Variants in GABRG1 observed in about 807,000 individuals in gnomAD.
GABRG1 encodes the protein gamma-aminobutyric acid type A receptor subunit gamma1.
In GABRG1, 49 loss-of-function variants were observed where a neutral mutation model predicts 49.8. The observed-to-expected ratio is 0.98, with a 90% confidence interval of 0.78 to 1.25. The LOEUF (loss-of-function observed/expected upper bound fraction) is 1.25, where lower values mean the gene tolerates loss of function less well. Among genes scored for constraint, GABRG1 ranks in the 50% most tolerant of loss-of-function variants. The pLI is 0.00. For synonymous variants in GABRG1, 232 were observed against 185.1 expected, an observed-to-expected ratio of 1.25 and a Z score of -2.06; for missense variants, 552 against 552.3, an observed-to-expected ratio of 1.00 and a Z score of 0.01.
chr4:46,099,265 T>C (rs955610057), intron 1 of GABRG1, among the ~76,000 whole-genome samples: 1 of 151,702 alleles, frequency 6.6e-6, no homozygotes, highest in Non-Finnish European at 1.5e-5. Flanking sequence ...GGTATATAAC[T>C]GACATGCATC....
chr4:46,043,632 C>A (rs552238613), intron 8 of GABRG1, among the ~76,000 whole-genome samples: 7 of 151,852 alleles, frequency 4.6e-5, no homozygotes, highest in Non-Finnish European at 1.0e-4. Flanking sequence ...CAAGAATAGA[C>A]CCTGCCTTCC....
chr4:46,075,134 T>C (rs1719279351), intron 3 of GABRG1, among the ~76,000 whole-genome samples: 1 of 151,818 alleles, frequency 6.6e-6, no homozygotes, highest in Admixed American at 6.6e-5. Context: ...ATGAACACGG[T>C]TTCTTTCAAT....
At position 46,064,505 on chromosome 4, in the gene GABRG1, T is replaced by C. The variant is rs774195500; in HGVS notation, c.561A>G (p.Glu187=). 6 of 1,525,774 alleles carry C rather than the reference T, an allele frequency of 3.9e-6. No homozygotes were observed. The South Asian group carries it at 7.8e-5, about 20-fold the overall frequency. 94.5% of individuals were successfully genotyped at this position (1,525,774 alleles called of 1,614,324 possible). ...GAAAGTTATGAAGCTGAAGATAACA[T>C]TCTGCATTAATTGTCAATCTATTTA... ...LYTLRLTINA[E]CYLQLHNFPM... The change falls in exon 5 of 9, where the codon GAA becomes GAG. Residue 187 remains glutamate (E), a synonymous_variant. Transcript: ENST00000295452.
chr4:46,069,348 T>A (rs1201965009), intron 3 of GABRG1, among the ~76,000 whole-genome samples: 1 of 151,988 alleles, frequency 6.6e-6, no homozygotes, highest in African/African-American at 2.4e-5. Context: ...GCTATAGACA[T>A]GTAGAGAAAA....
rs1387452207 is a variant in GABRG1, at chr4:46,054,025, T to A, written c.917-2387A>T. Among the ~76,000 whole-genome samples, 4 of 38,072 alleles carry A rather than the reference T, an allele frequency of 1.1e-4. 1 individual carries two copies. Among genetic ancestry groups the A allele is most frequent in the Admixed American group, 7.1e-4 (3 of 4,230 alleles). The allele number at this position is 38,072 out of a possible 152,430, so 25.0% of individuals were successfully genotyped here. A position where few individuals can be genotyped will look rare whatever the true frequency, so the allele number is the denominator to read the frequency against. ...AATCCATCTTGAATTGATTTTTGTATAAGGTGTAAGGAAGGGATCCAGTTT... is the reference window on the plus strand; with the variant it reads ...AATCCATCTTGAATTGATTTTTGTAAAAGGTGTAAGGAAGGGATCCAGTTT... On this transcript the variant is annotated intron_variant, in intron 7 of 8. Coordinates refer to ENST00000295452, the MANE Select transcript of GABRG1 (RefSeq NM_173536.4).
intron 1 of GABRG1, 123 bp from the exon 2 acceptor site, chr4:46,097,472 T>C (rs1720218273): frequency 1.2e-6 from 1 of 846,848 alleles, no homozygotes; most frequent in Admixed American, 3.2e-5. Flanking sequence ...GGTATTACAC[T>C]AACATTACAT....
At chr4:46,108,806 A>G (rs994715733) in intron 1 of GABRG1, among the ~76,000 whole-genome samples, 2 of 151,078 alleles carry the variant, frequency 1.3e-5, no homozygotes, top group African/African-American at 2.4e-5. Flanking sequence ...ATAACTTTCC[A>G]AAGTTCTTAC....
At chr4:46,120,919 T>C (rs1025811933) in intron 1 of GABRG1, among the ~76,000 whole-genome samples, 1 of 151,776 alleles carries the variant, frequency 6.6e-6, no homozygotes, top group Non-Finnish European at 1.5e-5. Flanking sequence ...TTTAAAAACC[T>C]GATTATAACT....
intron 1 of GABRG1, among the ~76,000 whole-genome samples, chr4:46,117,283 C>T (rs1041314325): frequency 6.6e-6 from 1 of 150,450 alleles, no homozygotes; most frequent in African/African-American, 2.4e-5. Flanking sequence ...ATCTCTATTA[C>T]TTTTTAGTCA....
chr4:46,068,255 T>A (rs1437795720), intron 3 of GABRG1, among the ~76,000 whole-genome samples: 2 of 152,140 alleles, frequency 1.3e-5, no homozygotes, highest in Non-Finnish European at 2.9e-5. Context: ...CTACTTAAGA[T>A]ACCAGTAAGG....
chr4:46,044,914 A>C (rs1421241155), intron 8 of GABRG1, among the ~76,000 whole-genome samples: 1 of 152,102 alleles, frequency 6.6e-6, no homozygotes, highest in Non-Finnish European at 1.5e-5. Flanking sequence ...TGGAACTGGA[A>C]TGTCCTAGTA....
Position 46,119,982 on chromosome 4 carries a change from T to G in GABRG1, c.104+3828A>C, listed in dbSNP as rs554215033. On this transcript the variant is annotated intron_variant, in intron 1 of 8. Transcript: ENST00000295452. ...TTATGACTTTCTTTTCATATAAAAT[T>G]TTAAGTGCTAGTTTCTTTGCACAGA... Among the ~76,000 whole-genome samples, 10 of 151,840 alleles carry G rather than the reference T, an allele frequency of 6.6e-5. No individual in the cohort carries two copies. The South Asian group carries it at 1.7e-3, about 25-fold the overall frequency.
At chr4:46,115,721 A>G (rs1720863440) in intron 1 of GABRG1, among the ~76,000 whole-genome samples, 1 of 150,818 alleles carries the variant, frequency 6.6e-6, no homozygotes, top group Non-Finnish European at 1.5e-5. Flanking sequence ...CTTCAAAATT[A>G]CATCTAAAAT....
At chr4:46,065,778 A>C (rs1481542846) in intron 3 of GABRG1, among the ~76,000 whole-genome samples, 194 bp from the exon 4 acceptor site, 1 of 152,026 alleles carries the variant, frequency 6.6e-6, no homozygotes, top group East Asian at 1.9e-4. Context: ...GCCGGAGTGC[A>C]GTGATGCAAT....
intron 3 of GABRG1, among the ~76,000 whole-genome samples, chr4:46,082,131 A>G (rs1436741504): frequency 6.6e-6 from 1 of 151,848 alleles, no homozygotes; most frequent in African/African-American, 2.4e-5. Context: ...AGCGTTTGGA[A>G]CTGAACATTA....
At chr4:46,068,567 G>C (rs1482103850) in intron 3 of GABRG1, among the ~76,000 whole-genome samples, 6 of 152,066 alleles carry the variant, frequency 3.9e-5, no homozygotes, top group Admixed American at 6.6e-5. Context: ...ATCAAGAAGA[G>C]AAAGACTCAG....
intron 1 of GABRG1, among the ~76,000 whole-genome samples, chr4:46,104,738 G>A (rs759688908): frequency 2.6e-5 from 4 of 151,402 alleles, no homozygotes; most frequent in Non-Finnish European, 4.4e-5. Context: ...TTTGACAAAT[G>A]TCTATTAGGT....
intron 5 of GABRG1, 22 bp from the exon 6 acceptor site, chr4:46,058,644 A>T (rs1406461632): frequency 3.8e-6 from 6 of 1,589,718 alleles, no homozygotes; most frequent in Non-Finnish European, 4.3e-6. Flanking sequence ...AAATACATAG[A>T]TTAGCAAGAT....
chr4:46,082,361 C>A (rs1203798883), intron 3 of GABRG1, among the ~76,000 whole-genome samples: 1 of 151,550 alleles, frequency 6.6e-6, no homozygotes. Context: ...TACTCCCATA[C>A]TCTTATCTCA....
Sources: allele counts gnomAD v4.1 joint callset (sites outside exome capture counted in the v4.1 genomes callset), GRCh38; gene constraint gnomAD v4.1.1; transcripts MANE v1.5; gene names NCBI Gene and HGNC (gene_info 2026-07-23, HGNC 2026-07-21).